Variants in ATP5MJ observed in about 807,000 individuals in gnomAD.
The protein encoded by ATP5MJ is ATP synthase membrane subunit j, also known as ATP synthase F(0) complex subunit j, mitochondrial.
A neutral mutation model predicts 8.3 loss-of-function variants in ATP5MJ; 4 were observed. The ratio of observed to expected loss-of-function variants is 0.48; its 90% CI spans 0.24 to 1.11. The LOEUF is 1.11. Among genes scored for constraint, ATP5MJ ranks in the 50% least tolerant of loss-of-function variants. The pLI, the probability that ATP5MJ is intolerant of heterozygous loss-of-function variation, is 0.18. For synonymous variants in ATP5MJ, 23 were observed against 21.3 expected (o/e 1.08, Z -0.23); for missense variants, 66 against 71.8 (o/e 0.92, Z 0.29).
intron 1 of ATP5MJ, chr14:103,921,099 GAGA>G: frequency 7.0e-7 from 1 of 1,423,322 alleles, no homozygotes; most frequent in South Asian, 1.2e-5. Context: ...TTATAAAGGA[GAGA>G]AGGGACTGGA....
chr14:103,912,780 T>C (rs771273528), intron 3 of ATP5MJ, 86 bp from the exon 4 acceptor site: 10 of 1,355,804 alleles, frequency 7.4e-6, no homozygotes, highest in Non-Finnish European at 8.4e-6. Flanking sequence ...TCAAAAGAAG[T>C]TGATCAACAG....
At chr14:103,921,191 A>C in intron 1 of ATP5MJ, 4 of 642,388 alleles carry the variant, frequency 6.2e-6, no homozygotes, top group East Asian at 2.8e-5. Context: ...TGAACCTCTC[A>C]AGGCCAAGGT....
intron 1 of ATP5MJ, among the ~76,000 whole-genome samples, chr14:103,916,074 G>T (rs2087623325): frequency 6.6e-6 from 1 of 151,990 alleles, no homozygotes; most frequent in Non-Finnish European, 1.5e-5. Context: ...AGCACACTCT[G>T]ATCAGCTGTA....
At chr14:103,921,293 C>T in intron 1 of ATP5MJ, 177 bp downstream of exon 1, 1 of 384,528 alleles carries the variant, frequency 2.6e-6, no homozygotes, top group South Asian at 3.6e-5. Context: ...GCGATGCTTC[C>T]CTCTGGCAAC....
intron 2 of ATP5MJ, chr14:103,914,639 A>G (rs1179555757): frequency 1.8e-6 from 1 of 559,002 alleles, no homozygotes; most frequent in Non-Finnish European, 3.2e-6. Context: ...CATCTCTACA[A>G]AAAAAAAAAG....
rs1204806928 is a variant in ATP5MJ at position 103,915,053 on chromosome 14, T to A, written c.124+13A>T. ...TTCCTGACCTCAGAAAAATCAAACATAAGGAAACGTACCAGCAGCCCGGAT... is the reference window on the plus strand; with the variant it reads ...TTCCTGACCTCAGAAAAATCAAACAAAAGGAAACGTACCAGCAGCCCGGAT... On this transcript the variant is annotated intron_variant, in intron 2 of 3. Coordinates refer to ENST00000286953, the MANE Select transcript of ATP5MJ (RefSeq NM_004894.3). The A allele has an allele frequency of 1.2e-6, 2 of 1,613,358 alleles. No homozygotes were observed. Among genetic ancestry groups the A allele is most frequent in the South Asian group, 1.1e-5 (1 of 90,884 alleles).
At chr14:103,913,914 T>A (rs776684852) in intron 3 of ATP5MJ, 47 bp downstream of exon 3, 1 of 1,591,432 alleles carries the variant, frequency 6.3e-7, no homozygotes, top group Non-Finnish European at 8.6e-7. Context: ...TGAAAAGACA[T>A]GATGCTGTTT....
chr14:103,914,588 C>T (rs112997158), intron 2 of ATP5MJ: 42,475 of 678,360 alleles, frequency 0.063, 2,437 homozygotes, highest in African/African-American at 0.23. Flanking sequence ...ACTGCTTGAG[C>T]CCAGGAGTTC....
At chr14:103,914,373 A>T (rs1595877285) in intron 2 of ATP5MJ, 1 of 538,734 alleles carries the variant, frequency 1.9e-6, no homozygotes, top group East Asian at 2.9e-5. Flanking sequence ...AGAACAGTTG[A>T]AAAGGTGCAA....
At chr14:103,918,792 G>A (rs1273229063) in intron 1 of ATP5MJ, among the ~76,000 whole-genome samples, 3 of 152,060 alleles carry the variant, frequency 2.0e-5, no homozygotes, top group African/African-American at 7.2e-5. Context: ...GGGGTCCAAG[G>A]CAGGGAGATC....
At chr14:103,918,169 G>A (rs2087640511) in intron 1 of ATP5MJ, 1 of 152,276 alleles carries the variant, frequency 6.6e-6, no homozygotes, top group South Asian at 2.1e-4. Flanking sequence ...AGACCCAGAG[G>A]AGGTTTCTGG....
At chr14:103,914,632 C>T in intron 2 of ATP5MJ, 1 of 583,162 alleles carries the variant, frequency 1.7e-6, no homozygotes, top group Non-Finnish European at 3.0e-6. Flanking sequence ...AAAACCCCAT[C>T]TCTACAAAAA....
intron 1 of ATP5MJ, among the ~76,000 whole-genome samples, chr14:103,920,558 G>A (rs1482930214): frequency 7.2e-6 from 1 of 139,174 alleles, no homozygotes; most frequent in Non-Finnish European, 1.5e-5. Context: ...TGCAACCTCC[G>A]CCTACCGAGT....
At chr14:103,916,531 G>A (rs961756164) in intron 1 of ATP5MJ, among the ~76,000 whole-genome samples, 1 of 152,110 alleles carries the variant, frequency 6.6e-6, no homozygotes, top group Non-Finnish European at 1.5e-5. Flanking sequence ...CCAGGAGCTC[G>A]AGACTAATTT....
In ATP5MJ at chr14:103,914,346, A is replaced by G. The variant is rs1436621817; in HGVS notation, c.125-362T>C. ...TCCTCCCCTCCAAATTTTTTTACAA[A>G]CAAATTTCAAATATTCAGAACAGTT... On this transcript the variant is annotated intron_variant, in intron 2 of 3. Coordinates refer to ENST00000286953, the MANE Select transcript of ATP5MJ (RefSeq NM_004894.3). 7.4e-6 allele frequency: 4 copies of G among 537,042 alleles called. No homozygotes were observed. The African/African-American group carries it at 7.6e-5, about 10-fold the overall frequency. 33.3% of individuals were successfully genotyped at this position (537,042 alleles called of 1,614,324 possible).
At chr14:103,914,079 A>G in intron 2 of ATP5MJ, 95 bp from the exon 3 acceptor site, 2 of 1,140,648 alleles carry the variant, frequency 1.8e-6, no homozygotes, top group East Asian at 2.4e-5. Flanking sequence ...ATTGTAGCTT[A>G]GGTAAAGCAA....
chr14:103,916,302 TTACTCTC>T (rs1360561391), intron 1 of ATP5MJ, among the ~76,000 whole-genome samples: 1 of 152,262 alleles, frequency 6.6e-6, no homozygotes, highest in Non-Finnish European at 1.5e-5. Flanking sequence ...CTTTTACAAT[TTACTCTC>T]TACTATAGAC....
At chr14:103,916,371 G>C (rs2087625927) in intron 1 of ATP5MJ, among the ~76,000 whole-genome samples, 1 of 152,170 alleles carries the variant, frequency 6.6e-6, no homozygotes, top group Non-Finnish European at 1.5e-5. Flanking sequence ...AACATCTGAA[G>C]TGGTCCATTA....
chr14:103,915,052 A>G lies in ATP5MJ; in HGVS notation c.124+14T>C. On this transcript the variant is annotated intron_variant, in intron 2 of 3. Coordinates refer to ENST00000286953, the MANE Select transcript of ATP5MJ (RefSeq NM_004894.3). ...CTTCCTGACCTCAGAAAAATCAAAC[A>G]TAAGGAAACGTACCAGCAGCCCGGA... The G allele has an allele frequency of 6.2e-7, 1 of 1,613,448 alleles. No homozygotes were observed.
Sources: allele counts gnomAD v4.1 joint callset (sites outside exome capture counted in the v4.1 genomes callset), GRCh38; gene constraint gnomAD v4.1.1; transcripts MANE v1.5; gene names NCBI Gene and HGNC (gene_info 2026-07-23, HGNC 2026-07-21).